STXBP6: variants seen among roughly 807,000 people sequenced by gnomAD.
STXBP6 encodes the protein syntaxin binding protein 6.
Under a neutral mutation model 26.9 loss-of-function variants are expected in STXBP6, and 21 were observed. That is an observed-to-expected ratio of 0.78 (90% CI 0.55 to 1.12). The LOEUF (loss-of-function observed/expected upper bound fraction) is 1.12, where lower values mean the gene tolerates loss of function less well. Among genes scored for constraint, STXBP6 ranks in the 50% most tolerant of loss-of-function variants. The probability of loss-of-function intolerance (pLI) is 0.00; values close to 1 mark genes in which losing one functional copy is unlikely to be tolerated. For missense variants in STXBP6, 232 were observed against 257.9 expected (o/e 0.90, Z 0.69); for synonymous variants, 97 against 92.6 (o/e 1.05, Z -0.27).
intron 2 of STXBP6, among the ~76,000 whole-genome samples, chr14:24,950,871 T>C (rs2073145543): frequency 6.6e-6 from 1 of 152,132 alleles, no homozygotes; most frequent in Non-Finnish European, 1.5e-5. Flanking sequence ...TAGGTATTTC[T>C]CCCAATGCTA....
intron 1 of STXBP6, among the ~76,000 whole-genome samples, chr14:25,038,654 C>T: frequency 6.6e-6 from 1 of 151,992 alleles, no homozygotes. Context: ...GACATTAGGC[C>T]AACTTGATGG....
chr14:24,936,325 T>C (rs1271206683), intron 2 of STXBP6, among the ~76,000 whole-genome samples: 1 of 152,206 alleles, frequency 6.6e-6, no homozygotes, highest in Admixed American at 6.5e-5. Flanking sequence ...AAAACCCTAC[T>C]GTCATTGGAT....
intron 2 of STXBP6, among the ~76,000 whole-genome samples, chr14:24,884,002 C>T (rs973391278): frequency 2.6e-5 from 4 of 152,028 alleles, no homozygotes; most frequent in Non-Finnish European, 5.9e-5. Flanking sequence ...TATTAAAACC[C>T]CTCTTTTATT....
At chr14:24,837,666 G>A (rs565577353) in intron 4 of STXBP6, among the ~76,000 whole-genome samples, 2 of 152,260 alleles carry the variant, frequency 1.3e-5, no homozygotes, top group Admixed American at 6.5e-5. Flanking sequence ...GCTCATTTCG[G>A]CAAAGGCTAG....
intron 1 of STXBP6, among the ~76,000 whole-genome samples, chr14:25,011,330 C>T (rs768248039): frequency 7.2e-5 from 11 of 152,124 alleles, no homozygotes; most frequent in Non-Finnish European, 1.5e-4. Flanking sequence ...TGTCAGGTAC[C>T]GTCAAGTATT....
chr14:24,928,088 A>C (rs1206131639), intron 2 of STXBP6, among the ~76,000 whole-genome samples: 1 of 152,188 alleles, frequency 6.6e-6, no homozygotes, highest in Non-Finnish European at 1.5e-5. Context: ...TTCGGAATTT[A>C]GAATAATAAA....
intron 1 of STXBP6, among the ~76,000 whole-genome samples, chr14:24,998,122 A>G (rs2074653553): frequency 6.6e-6 from 1 of 152,118 alleles, no homozygotes. Flanking sequence ...ATTTTAATTA[A>G]CCCTCTACCC....
chr14:24,891,151 C>G (rs979865498), intron 2 of STXBP6, among the ~76,000 whole-genome samples: 4 of 152,130 alleles, frequency 2.6e-5, no homozygotes, highest in Non-Finnish European at 5.9e-5. Flanking sequence ...TAACTTTGGA[C>G]AGTATGTTAA....
chr14:24,985,485 T>A (rs1379691026), intron 1 of STXBP6, among the ~76,000 whole-genome samples: 1 of 152,218 alleles, frequency 6.6e-6, no homozygotes, highest in Admixed American at 6.5e-5. Flanking sequence ...CCTCTTCCAC[T>A]TCCTTTGCTG....
At chr14:24,832,337 C>T (rs2138922252) in intron 4 of STXBP6, among the ~76,000 whole-genome samples, 1 of 152,302 alleles carries the variant, frequency 6.6e-6, no homozygotes, top group Middle Eastern at 3.4e-3. Context: ...TCCAGATGAG[C>T]TTGAGCATCA....
intron 1 of STXBP6, among the ~76,000 whole-genome samples, chr14:25,014,197 A>C (rs747973244): frequency 2.0e-5 from 3 of 152,192 alleles, no homozygotes; most frequent in Non-Finnish European, 2.9e-5. Context: ...TTTCTGTACC[A>C]AAAAGTTAAA....
chr14:25,019,693 T>G (rs933188009), intron 1 of STXBP6, among the ~76,000 whole-genome samples: 2 of 152,198 alleles, frequency 1.3e-5, no homozygotes, highest in Non-Finnish European at 2.9e-5. Context: ...TTTATTTACC[T>G]AATCTTTCCA....
intron 2 of STXBP6, among the ~76,000 whole-genome samples, chr14:24,884,942 G>A (rs1161852874): frequency 2.0e-5 from 3 of 152,142 alleles, no homozygotes; most frequent in African/African-American, 7.2e-5. Context: ...GCATAAGGAA[G>A]CATACATTCC....
chr14:24,960,009 A>G (rs2073476178), intron 2 of STXBP6, among the ~76,000 whole-genome samples: 1 of 152,252 alleles, frequency 6.6e-6, no homozygotes, highest in Non-Finnish European at 1.5e-5. Flanking sequence ...TGTCTCAGCC[A>G]GATTTCAGGT....
intron 2 of STXBP6, among the ~76,000 whole-genome samples, chr14:24,932,339 A>T (rs1335753536): frequency 6.6e-6 from 1 of 152,150 alleles, no homozygotes; most frequent in Non-Finnish European, 1.5e-5. Context: ...CCTGGGATTT[A>T]AAGTTTTTAA....
At chr14:24,900,378 C>T (rs1399569963) in intron 2 of STXBP6, among the ~76,000 whole-genome samples, 1 of 152,210 alleles carries the variant, frequency 6.6e-6, no homozygotes, top group African/African-American at 2.4e-5. Flanking sequence ...TCCAACAGAA[C>T]TCTCTGAACT....
chr14:25,049,267 C>A lies in STXBP6; in HGVS notation c.-33+611G>T. ...GCTCGATGCCGGCGTGCACGGCAAG[C>A]GCGAATTCGGAACCTGGCGCCCTTG... On this transcript the variant is annotated intron_variant, in intron 1 of 5. Transcript: ENST00000323944. This position sits in a 1 kb window ranked among gnomAD's most constrained non-coding sequence, Gnocchi z 5.6. 6.1e-6 allele frequency: 6 copies of A among 985,436 alleles called. No homozygotes were observed. The highest frequency in any genetic ancestry group is 7.2e-6 in the Non-Finnish European group (6 of 829,948). The allele number at this position is 985,436 out of a possible 1,614,324, so 61.0% of individuals were successfully genotyped here. A position where few individuals can be genotyped will look rare whatever the true frequency, so the allele number is the denominator to read the frequency against.
In STXBP6 at chr14:24,968,170, A is replaced by AATATATATATATAT. The variant is rs72223372; in HGVS notation, c.154+6481_154+6494dup. Among the ~76,000 whole-genome samples the AATATATATATATAT allele has an allele frequency of 1.5e-3, 213 of 144,332 alleles. 1 individual carries two copies. The highest frequency in any genetic ancestry group is 5.3e-3 in the African/African-American group (207 of 39,354). The allele number at this position is 144,332 out of a possible 152,430, so 94.7% of individuals were successfully genotyped here. A position where few individuals can be genotyped will look rare whatever the true frequency, so the allele number is the denominator to read the frequency against. On this transcript the variant is annotated intron_variant, in intron 2 of 5. Transcript: ENST00000323944. ...AATATTCACTATTTATATAATAAAGAATATATATATATATATATATAAAAT... is the reference window on the plus strand; with the variant it reads ...AATATTCACTATTTATATAATAAAGAATATATATATATATATATATATATATATATATATAAAAT...
intron 5 of STXBP6, chr14:24,816,107 G>A (rs2067967176): frequency 6.6e-6 from 1 of 152,216 alleles, no homozygotes; most frequent in South Asian, 2.1e-4. Context: ...TCTCCAGCTG[G>A]GGTTCGGCAC....
Sources: allele counts gnomAD v4.1 joint callset (sites outside exome capture counted in the v4.1 genomes callset), GRCh38; gene constraint gnomAD v4.1.1; non-coding constraint Gnocchi (gnomAD v3.1); transcripts MANE v1.5; gene names NCBI Gene and HGNC (gene_info 2026-07-23, HGNC 2026-07-21).